Variants in ADAT1 observed in about 807,000 individuals in gnomAD.
The protein encoded by ADAT1 is tRNA-specific adenosine deaminase 1.
In ADAT1, 58 loss-of-function variants were observed where a neutral mutation model predicts 58.6. The observed-to-expected ratio is 0.99, with a 90% CI of 0.80 to 1.23. The LOEUF (loss-of-function observed/expected upper bound fraction) is 1.23. Ranked by LOEUF, ADAT1 falls within the 50% of genes most tolerant of loss-of-function variation. The pLI, the probability that ADAT1 is intolerant of heterozygous loss-of-function variation, is 0.00. For synonymous variants in ADAT1, 254 were observed against 220.8 expected (o/e 1.15, Z -1.33); for missense variants, 741 against 608.6 (o/e 1.22, Z -2.29).
chr16:75,608,881 C>G lies in ADAT1; in HGVS notation c.1151G>C (p.Arg384Thr). 1 of 1,614,176 alleles carries G rather than the reference C, an allele frequency of 6.2e-7. No homozygotes were observed. Among genetic ancestry groups the G allele is most frequent in the Non-Finnish European group, 8.5e-7 (1 of 1,180,018 alleles). Residue 384 changes from arginine (R) to threonine (T), a missense_variant, in exon 7 of 10, where the codon AGG becomes ACG. Arg to Thr is a moderately conservative substitution (Grantham distance 71). Transcript: ENST00000564657. ...AACAAGTCGACCTGGGCTATCAGCCCTTTTTGCCTGCACCGCACTGCGGCT... is the reference window on the plus strand; with the variant it reads ...AACAAGTCGACCTGGGCTATCAGCCGTTTTTGCCTGCACCGCACTGCGGCT... ...EQSRSAVQAK[R>T]ADSPGRLVPC...
intron 9 of ADAT1, among the ~76,000 whole-genome samples, chr16:75,602,587 A>C (rs993692785): frequency 6.6e-6 from 1 of 151,950 alleles, no homozygotes; most frequent in African/African-American, 2.4e-5. Flanking sequence ...TTTAGTGGGA[A>C]CTGTGTCCTT....
rs2081591163 is a variant in ADAT1, at chr16:75,612,869, G to T, written c.425-8C>A. 6.2e-7 allele frequency: 1 copy of T among 1,610,588 alleles called. No individual in the cohort carries two copies. Among genetic ancestry groups the T allele is most frequent in the South Asian group, 1.1e-5 (1 of 90,706 alleles). On this transcript the variant is annotated splice_region_variant and splice_polypyrimidine_tract_variant and intron_variant, in intron 5 of 9. Transcript: ENST00000564657. ...TGATGGAGGCATCCCCACCTGCAGA[G>T]AATGAACCCACTTAAACAAATGGTT...
chr16:75,618,716 C>G, intron 3 of ADAT1, 76 bp from the exon 4 acceptor site: 1 of 1,542,368 alleles, frequency 6.5e-7, no homozygotes, highest in Non-Finnish European at 8.8e-7. Flanking sequence ...CAGAACACAG[C>G]AGTCCCACCA....
At chr16:75,614,727 C>T (rs2081649081) in intron 5 of ADAT1, among the ~76,000 whole-genome samples, 2 of 152,274 alleles carry the variant, frequency 1.3e-5, no homozygotes, top group South Asian at 2.1e-4. Context: ...GTAGCTAACC[C>T]AGCCAACAAA....
intron 2 of ADAT1, 128 bp from the exon 3 acceptor site, chr16:75,620,462 G>T: frequency 1.4e-6 from 2 of 1,395,128 alleles, no homozygotes; most frequent in Non-Finnish European, 2.0e-6. Flanking sequence ...TGCGGTTCCA[G>T]CATGGCGGTC....
intron 3 of ADAT1, chr16:75,619,538 C>A (rs1319188388): frequency 1.2e-5 from 5 of 423,216 alleles, no homozygotes; most frequent in African/African-American, 2.1e-5. Flanking sequence ...AAAAAAAAAA[C>A]CACTGAAACA....
At position 75,597,332 on chromosome 16, in the gene ADAT1, G is replaced by A; in HGVS notation, c.*2884C>T. ...AGACACAGAAGGCCATGTGAAGACG[G>A]AGGGAGAAACTGAAGTGATGCAGCC... On this transcript the variant is annotated 3_prime_UTR_variant, in exon 10 of 10. Coordinates refer to ENST00000564657, the MANE Select transcript of ADAT1 (RefSeq NM_001324445.2). The A allele has an allele frequency of 6.7e-6, 3 of 447,274 alleles. No individual in the cohort carries two copies. Among genetic ancestry groups the A allele is most frequent in the Non-Finnish European group, 9.0e-6 (2 of 223,158 alleles). The allele number at this position is 447,274 out of a possible 1,614,324, so 27.7% of individuals were successfully genotyped here. A position where few individuals can be genotyped will look rare whatever the true frequency, so the allele number is the denominator to read the frequency against.
chr16:75,601,368 A>G (rs1270493316), intron 9 of ADAT1, among the ~76,000 whole-genome samples: 1 of 152,068 alleles, frequency 6.6e-6, no homozygotes, highest in Non-Finnish European at 1.5e-5. Flanking sequence ...AGTAACTACT[A>G]GTTATCAAAA....
chr16:75,613,136 T>C (rs996893510), intron 5 of ADAT1, among the ~76,000 whole-genome samples: 3 of 152,202 alleles, frequency 2.0e-5, no homozygotes, highest in Non-Finnish European at 4.4e-5. Flanking sequence ...AATTCCCTAA[T>C]AAGAATCCTC....
At position 75,617,137 on chromosome 16, in the gene ADAT1, C is replaced by A. The variant is rs1024085929; in HGVS notation, c.424+5G>T. On this transcript the variant is annotated splice_donor_5th_base_variant and intron_variant, in intron 5 of 9. Coordinates refer to ENST00000564657, the MANE Select transcript of ADAT1 (RefSeq NM_001324445.2). Reference sequence around the variant, plus strand: ...ACATTAATCCAAAGGCTTGAATATACTTACAGGGTGTATGGCTGGAGAAAA... The same window carrying A: ...ACATTAATCCAAAGGCTTGAATATAATTACAGGGTGTATGGCTGGAGAAAA... 8 of 1,610,606 alleles carry A rather than the reference C, an allele frequency of 5.0e-6. No individual in the cohort carries two copies. Among genetic ancestry groups the A allele is most frequent in the Non-Finnish European group, 5.9e-6 (7 of 1,177,418 alleles).
rs974645373 is a variant in ADAT1 at position 75,600,114 on chromosome 16, G to C, written c.*102C>G. 7.1e-6 allele frequency: 11 copies of C among 1,549,326 alleles called. No homozygotes were observed. The African/African-American group carries it at 9.6e-5, about 13-fold the overall frequency. On this transcript the variant is annotated 3_prime_UTR_variant, in exon 10 of 10. Transcript: ENST00000564657. ...ACAACAGAGATGCAAAGCTCAGAAA[G>C]AATGTTCCCTGATTTAACTACCAAA... is the stretch of plus-strand genomic sequence containing the variant.
Position 75,620,791 on chromosome 16 carries a change from G to A in ADAT1, c.9C>T (p.Thr3=), listed in dbSNP as rs757078316. ...AGCATAGCTGAGCAATCTCATCCGC[G>A]GTCCACATGGTCTGAGCTGGTATTG... The part of the protein sequence containing the change: MW[T]ADEIAQLCYE... Residue 3 remains threonine (T), a synonymous_variant, in exon 2 of 10, where the codon ACC becomes ACT. Coordinates refer to ENST00000564657, the MANE Select transcript of ADAT1 (RefSeq NM_001324445.2). 15 of 1,611,940 alleles carry A rather than the reference G, an allele frequency of 9.3e-6. No homozygotes were observed. The highest frequency in any genetic ancestry group is 2.2e-5 in the South Asian group (2 of 90,998).
At chr16:75,621,741 A>C (rs962551537) in intron 1 of ADAT1, among the ~76,000 whole-genome samples, 4 of 152,108 alleles carry the variant, frequency 2.6e-5, no homozygotes, top group Non-Finnish European at 5.9e-5. Flanking sequence ...GAATTAAAAA[A>C]CCATCAAGCA....
chr16:75,615,721 A>G (rs773714081), intron 5 of ADAT1, among the ~76,000 whole-genome samples: 1 of 152,082 alleles, frequency 6.6e-6, no homozygotes, highest in Non-Finnish European at 1.5e-5. Context: ...TAGCTACTCA[A>G]TGTGTGGTCT....
At chr16:75,613,357 A>G (rs1276944909) in intron 5 of ADAT1, among the ~76,000 whole-genome samples, 1 of 152,194 alleles carries the variant, frequency 6.6e-6, no homozygotes, top group African/African-American at 2.4e-5. Flanking sequence ...GCTGGAGTGC[A>G]GTGGGGTGAT....
At chr16:75,622,049 C>T (rs2081948077) in intron 1 of ADAT1, among the ~76,000 whole-genome samples, 1 of 152,206 alleles carries the variant, frequency 6.6e-6, no homozygotes. Flanking sequence ...ACTCGGGAGG[C>T]TGAGGCAGGA....
rs755897716 is a variant in ADAT1, at chr16:75,620,637, C to G, written c.163G>C (p.Val55Leu). ...DKACDTPDKPVQVTKEVVSMG... is the reference protein window; with the variant it reads ...DKACDTPDKPLQVTKEVVSMG... ...CAAGAAGAAAAAGTCTCACCTTGCA[C>G]CGGCTTATCAGGGGTGTCGCAGGCC... Residue 55 changes from valine (V) to leucine (L), a missense_variant, in exon 2 of 10, where the codon GTG becomes CTG. Transcript: ENST00000564657. The G allele has an allele frequency of 1.9e-6, 3 of 1,612,926 alleles. No homozygotes were observed. The highest frequency in any genetic ancestry group is 1.7e-6 in the Non-Finnish European group (2 of 1,179,942).
intron 9 of ADAT1, among the ~76,000 whole-genome samples, chr16:75,602,501 T>C (rs1431062332): frequency 6.6e-6 from 1 of 152,156 alleles, no homozygotes; most frequent in Non-Finnish European, 1.5e-5. Context: ...ACACTCAAAT[T>C]TGTAGCCAGT....
intron 5 of ADAT1, among the ~76,000 whole-genome samples, chr16:75,614,146 C>T (rs1022692428): frequency 3.9e-5 from 6 of 151,998 alleles, no homozygotes; most frequent in Admixed American, 3.9e-4. Context: ...GCCAAGAATG[C>T]GCCACTGCAC....
Sources: allele counts gnomAD v4.1 joint callset (sites outside exome capture counted in the v4.1 genomes callset), GRCh38; gene constraint gnomAD v4.1.1; transcripts MANE v1.5; gene names NCBI Gene and HGNC (gene_info 2026-07-23, HGNC 2026-07-21).